Variants in LINGO2 observed in about 807,000 individuals in gnomAD.
LINGO2 encodes the protein leucine-rich repeat and immunoglobulin-like domain-containing nogo receptor-interacting protein 2.
Under a neutral mutation model 30.6 loss-of-function variants are expected in LINGO2, and 14 were observed. The observed-to-expected ratio is 0.46, with a 90% confidence interval of 0.30 to 0.72. The LOEUF (loss-of-function observed/expected upper bound fraction) is 0.72. Ranked by LOEUF, LINGO2 falls within the 30% of genes least tolerant of loss-of-function variation. LINGO2 has a pLI of 0.07. For synonymous variants in LINGO2, 317 were observed against 288.5 expected, an observed-to-expected ratio of 1.10 and a Z score of -1.00; for missense variants, 729 against 751.7, an observed-to-expected ratio of 0.97 and a Z score of 0.35.
chr9:28,719,004 C>T, the LINGO2 span, among the ~76,000 whole-genome samples: 1 of 152,046 alleles, frequency 6.6e-6, no homozygotes, highest in Non-Finnish European at 1.5e-5. Flanking sequence ...GACTCTGCAA[C>T]TCCCACCTTT....
intron 1 of LINGO2, among the ~76,000 whole-genome samples, chr9:28,479,845 CTGTGTGTG>C (rs528584169): frequency 3.0e-4 from 18 of 60,172 alleles, no homozygotes; most frequent in South Asian, 1.6e-3. Flanking sequence ...ACCATGTCAT[CTGTGTGTG>C]TGTGTGTGTG....
the LINGO2 span, among the ~76,000 whole-genome samples, chr9:28,676,870 C>T: frequency 6.6e-6 from 1 of 152,162 alleles, no homozygotes; most frequent in Non-Finnish European, 1.5e-5. Flanking sequence ...TTGAAATTCT[C>T]CTATGGCTAC....
chr9:28,195,957 G>A (rs1409169739), intron 4 of LINGO2, among the ~76,000 whole-genome samples: 1 of 151,376 alleles, frequency 6.6e-6, no homozygotes, highest in East Asian at 1.9e-4. Context: ...TGAAAAACTG[G>A]TGTATTCCAT....
intron 3 of LINGO2, among the ~76,000 whole-genome samples, chr9:28,341,486 G>A (rs1188499455): frequency 6.6e-6 from 1 of 152,022 alleles, no homozygotes; most frequent in East Asian, 1.9e-4. Context: ...AAGAAAAGAT[G>A]CACTTTACAG....
the LINGO2 span, among the ~76,000 whole-genome samples, chr9:28,937,310 G>C: frequency 1.3e-5 from 2 of 152,126 alleles, no homozygotes; most frequent in Non-Finnish European, 2.9e-5. Context: ...TTTGAAATTT[G>C]TTTGTGAATA....
the LINGO2 span, among the ~76,000 whole-genome samples, chr9:29,161,335 C>T: frequency 6.6e-6 from 1 of 152,146 alleles, no homozygotes; most frequent in African/African-American, 2.4e-5. Flanking sequence ...CAGCTATCAC[C>T]CATCCACCCA....
the LINGO2 span, among the ~76,000 whole-genome samples, chr9:28,769,491 TATATATATATATATATATA>T: frequency 1.5e-4 from 1 of 6,754 alleles, no homozygotes; most frequent in Non-Finnish European, 2.5e-4. Context: ...TATATATATA[TATATATATATATATATATA>T]TATATATATT....
chr9:28,639,816 T>C (rs1827482403), intron 1 of LINGO2, among the ~76,000 whole-genome samples: 1 of 152,194 alleles, frequency 6.6e-6, no homozygotes, highest in African/African-American at 2.4e-5. Context: ...TTTAGCCTAT[T>C]TACATTTAAG....
intron 2 of LINGO2, among the ~76,000 whole-genome samples, chr9:28,415,509 A>T (rs1822930408): frequency 6.6e-6 from 1 of 152,100 alleles, no homozygotes; most frequent in Non-Finnish European, 1.5e-5. Context: ...TCATTCTGAG[A>T]TGCTCTTGCT....
At chr9:28,180,667 G>C (rs1828886424) in intron 4 of LINGO2, among the ~76,000 whole-genome samples, 1 of 152,122 alleles carries the variant, frequency 6.6e-6, no homozygotes, top group African/African-American at 2.4e-5. Flanking sequence ...TCAAAAGATA[G>C]ACTTGAGGCA....
At chr9:28,770,278 C>A in the LINGO2 span, among the ~76,000 whole-genome samples, 1 of 152,118 alleles carries the variant, frequency 6.6e-6, no homozygotes, top group Non-Finnish European at 1.5e-5. Context: ...TTTCTAGCAG[C>A]TATTGTCAAG....
chr9:28,561,874 T>A (rs1823104681), intron 1 of LINGO2, among the ~76,000 whole-genome samples: 1 of 150,504 alleles, frequency 6.6e-6, no homozygotes, highest in South Asian at 2.1e-4. Context: ...ACAGTGAGGA[T>A]GAAGCACTGC....
intron 4 of LINGO2, among the ~76,000 whole-genome samples, chr9:28,111,153 A>G (rs574019100): frequency 1.2e-3 from 179 of 152,172 alleles, no homozygotes; most frequent in African/African-American, 4.2e-3. Context: ...ACCAAACATC[A>G]CATGTTCTCA....
chr9:29,075,648 A>G, the LINGO2 span, among the ~76,000 whole-genome samples: 1 of 152,180 alleles, frequency 6.6e-6, no homozygotes, highest in Non-Finnish European at 1.5e-5. Context: ...AAGAATTCGC[A>G]TAAGGGTAAA....
chr9:28,614,080 T>C (rs796387392), intron 1 of LINGO2, among the ~76,000 whole-genome samples: 53 of 152,274 alleles, frequency 3.5e-4, no homozygotes, highest in African/African-American at 1.1e-3. Flanking sequence ...TCATTTATAA[T>C]AAATGAAAAT....
the LINGO2 span, among the ~76,000 whole-genome samples, chr9:29,103,468 A>C: frequency 6.6e-6 from 1 of 152,028 alleles, no homozygotes; most frequent in Admixed American, 6.6e-5. Context: ...ATAGCAACAT[A>C]ATAATTTATG....
intron 1 of LINGO2, among the ~76,000 whole-genome samples, chr9:28,505,824 C>T (rs1165353642): frequency 2.6e-5 from 4 of 151,808 alleles, no homozygotes; most frequent in Non-Finnish European, 4.4e-5. Flanking sequence ...TTCATTCTTG[C>T]ATTAGGTTTC....
At chr9:28,558,186 G>A (rs867478562) in intron 1 of LINGO2, among the ~76,000 whole-genome samples, 3 of 150,466 alleles carry the variant, frequency 2.0e-5, no homozygotes, top group African/African-American at 7.3e-5. Context: ...AAAAAACAAT[G>A]GGTCTGTTGA....
intron 4 of LINGO2, among the ~76,000 whole-genome samples, chr9:28,031,776 C>G (rs796367989): frequency 1.1e-4 from 16 of 152,320 alleles, no homozygotes; most frequent in African/African-American, 3.4e-4. Context: ...TGGCAGCAAG[C>G]TGTCCAGAAC....
Sources: allele counts gnomAD v4.1 joint callset (sites outside exome capture counted in the v4.1 genomes callset), GRCh38; gene constraint gnomAD v4.1.1; transcripts MANE v1.5; gene names NCBI Gene and HGNC (gene_info 2026-07-23, HGNC 2026-07-21).